B4GALNT3: variants seen among roughly 807,000 people sequenced by gnomAD.
The protein encoded by B4GALNT3 is beta-1,4-N-acetylgalactosaminyltransferase 3.
In B4GALNT3, 86 loss-of-function variants were observed where a neutral mutation model predicts 120.2. The observed-to-expected ratio is 0.72, with a 90% confidence interval of 0.60 to 0.86. B4GALNT3 has a LOEUF of 0.86. Ranked by LOEUF, B4GALNT3 falls within the 40% of genes least tolerant of loss-of-function variation. The pLI, the probability that B4GALNT3 is intolerant of heterozygous loss-of-function variation, is 0.00. For synonymous variants in B4GALNT3, 518 were observed against 510.4 expected (o/e 1.01, Z -0.20); for missense variants, 1,167 against 1,298.9 (o/e 0.90, Z 1.56).
intron 13 of B4GALNT3, 114 bp from the exon 14 acceptor site, chr12:553,080 C>T: frequency 6.8e-7 from 1 of 1,462,106 alleles, no homozygotes; most frequent in Non-Finnish European, 9.2e-7. Flanking sequence ...CTGGATTCAA[C>T]CCCAGTCTGG....
At chr12:500,418 A>G (rs1946426867) in intron 1 of B4GALNT3, among the ~76,000 whole-genome samples, 1 of 152,168 alleles carries the variant, frequency 6.6e-6, no homozygotes, top group Non-Finnish European at 1.5e-5. Context: ...CTGATGCCTT[A>G]AATTGTGGTT....
At chr12:554,789 CAAAAAAAAAAA>C (rs57194028) in intron 14 of B4GALNT3, among the ~76,000 whole-genome samples, 4 of 33,016 alleles carry the variant, frequency 1.2e-4, no homozygotes, top group African/African-American at 1.8e-4. Flanking sequence ...GACTCCGTCT[CAAAAAAAAAAA>C]AAAAAAAAAA....
chr12:470,847 T>A (rs932539397), intron 1 of B4GALNT3, among the ~76,000 whole-genome samples: 1 of 152,014 alleles, frequency 6.6e-6, no homozygotes, highest in African/African-American at 2.4e-5. Flanking sequence ...CAAGACATTC[T>A]CCTGCCTCAA....
intron 3 of B4GALNT3, among the ~76,000 whole-genome samples, chr12:543,888 T>C (rs1360570226): frequency 2.1e-3 from 159 of 75,644 alleles, no homozygotes; most frequent in Middle Eastern, 0.013. Context: ...GGTGCTCATC[T>C]TCCTGGAGCT....
intron 2 of B4GALNT3, 127 bp from the exon 3 acceptor site, chr12:536,091 G>T: frequency 1.4e-6 from 1 of 705,458 alleles, no homozygotes; most frequent in Non-Finnish European, 2.6e-6. Flanking sequence ...CCAGGACATG[G>T]TGTGAATGAC....
At chr12:551,081 TGC>T in intron 11 of B4GALNT3, 50 bp downstream of exon 11, 1 of 1,457,764 alleles carries the variant, frequency 6.9e-7, no homozygotes, top group Non-Finnish European at 9.6e-7. Flanking sequence ...GAGGGATTGC[TGC>T]CTGTGACTGG....
chr12:514,191 C>T (rs561323267), intron 1 of B4GALNT3, among the ~76,000 whole-genome samples: 6 of 140,000 alleles, frequency 4.3e-5, no homozygotes, highest in East Asian at 2.1e-4. Context: ...TGTTATTGTC[C>T]GTTTTTGTTT....
intron 1 of B4GALNT3, among the ~76,000 whole-genome samples, chr12:523,074 G>A (rs4980833): frequency 0.73 from 110,696 of 151,944 alleles, 41,217 homozygotes; most frequent in Admixed American, 0.81. Flanking sequence ...CACTTCCTTC[G>A]AGGCACCTTT....
chr12:528,271 A>T (rs565160944), intron 1 of B4GALNT3, among the ~76,000 whole-genome samples: 1 of 152,212 alleles, frequency 6.6e-6, no homozygotes, highest in Non-Finnish European at 1.5e-5. Flanking sequence ...GCTGGAGTTC[A>T]GTGGCAATTC....
chr12:552,813 C>T (rs938329285), intron 13 of B4GALNT3: 6 of 523,356 alleles, frequency 1.1e-5, no homozygotes, highest in Admixed American at 7.1e-5. Flanking sequence ...CTTGCTGTCC[C>T]TGGCGCACCA....
intron 1 of B4GALNT3, among the ~76,000 whole-genome samples, chr12:525,457 C>A (rs1397438100): frequency 6.6e-6 from 1 of 152,202 alleles, no homozygotes; most frequent in African/African-American, 2.4e-5. Context: ...CTCCTGTCTC[C>A]GTTGCTGGTG....
intron 1 of B4GALNT3, among the ~76,000 whole-genome samples, chr12:517,574 A>G (rs1309383458): frequency 6.6e-6 from 1 of 151,974 alleles, no homozygotes; most frequent in South Asian, 2.1e-4. Context: ...TCAGTGATTT[A>G]TTTACATTCC....
intron 1 of B4GALNT3, among the ~76,000 whole-genome samples, chr12:468,828 A>G (rs1388533733): frequency 6.6e-6 from 1 of 152,198 alleles, no homozygotes; most frequent in African/African-American, 2.4e-5. Context: ...CGTGGTGCCT[A>G]GCAGAGGCTA....
Position 465,103 on chromosome 12 carries a change from G to A in B4GALNT3, c.169+4558G>A, listed in dbSNP as rs115021436. 4.2e-3 allele frequency among the ~76,000 whole-genome samples: 633 copies of A among 152,254 alleles called. 6 individuals are homozygous for A. The highest frequency in any genetic ancestry group is 0.014 in the African/African-American group (596 of 41,546). ...ACCCAGTGAAGCAGCAAGCACAACC[G>A]CCTCGTGTGCTCCTGTGGGCAGGGA... On this transcript the variant is annotated intron_variant, in intron 1 of 19. Coordinates refer to ENST00000266383, the MANE Select transcript of B4GALNT3 (RefSeq NM_173593.4).
At chr12:480,456 C>T (rs1383246942) in intron 1 of B4GALNT3, among the ~76,000 whole-genome samples, 10 of 97,086 alleles carry the variant, frequency 1.0e-4, no homozygotes, top group African/African-American at 4.2e-4. Context: ...TCCCTCTGAC[C>T]CTGACATTAC....
chr12:494,964 T>TA (rs1364326051), intron 1 of B4GALNT3, among the ~76,000 whole-genome samples: 1 of 152,160 alleles, frequency 6.6e-6, no homozygotes. Flanking sequence ...AACCTGGGTA[T>TA]AAAAAGGAGG....
At chr12:463,842 A>G (rs538042517) in intron 1 of B4GALNT3, among the ~76,000 whole-genome samples, 2 of 152,366 alleles carry the variant, frequency 1.3e-5, no homozygotes, top group African/African-American at 4.8e-5. Context: ...GTTTGGTGAA[A>G]CAGAGGGTAT....
At chr12:534,190 G>C (rs529805787) in intron 1 of B4GALNT3, among the ~76,000 whole-genome samples, 246 of 152,330 alleles carry the variant, frequency 1.6e-3, no homozygotes, top group Middle Eastern at 3.4e-3. Context: ...AGTGAGCCTT[G>C]ATCAGCCATT....
intron 1 of B4GALNT3, among the ~76,000 whole-genome samples, chr12:505,692 A>G (rs1208887376): frequency 6.6e-6 from 1 of 151,912 alleles, no homozygotes; most frequent in African/African-American, 2.4e-5. Flanking sequence ...CATGGGGGAG[A>G]GTGTCCTGAA....
Sources: allele counts gnomAD v4.1 joint callset (sites outside exome capture counted in the v4.1 genomes callset), GRCh38; gene constraint gnomAD v4.1.1; transcripts MANE v1.5; gene names NCBI Gene and HGNC (gene_info 2026-07-23, HGNC 2026-07-21).